Variants in ADAM12 observed in about 807,000 individuals in gnomAD.
ADAM12 encodes disintegrin and metalloproteinase domain-containing protein 12.
ADAM12 carries 70 observed loss-of-function variants against 106.4 expected under a neutral mutation model. That is an observed-to-expected ratio of 0.66 (90% confidence interval 0.54 to 0.80). The LOEUF is 0.80. Among genes scored for constraint, ADAM12 ranks in the 30% least tolerant of loss-of-function variants. The pLI, the probability that ADAM12 is intolerant of heterozygous loss-of-function variation, is 0.00. For missense variants in ADAM12, 1,010 were observed against 1,171.9 expected, an observed-to-expected ratio of 0.86 and a Z score of 2.02; for synonymous variants, 420 against 433.5, an observed-to-expected ratio of 0.97 and a Z score of 0.39.
At chr10:126,068,959 G>A (rs1160981467) in intron 12 of ADAM12, among the ~76,000 whole-genome samples, 2 of 152,190 alleles carry the variant, frequency 1.3e-5, no homozygotes, top group Non-Finnish European at 2.9e-5. Flanking sequence ...GAGCAAGGGA[G>A]AAGCTGGTTT....
chr10:126,287,195 C>A (rs1218556859), intron 2 of ADAM12, among the ~76,000 whole-genome samples: 1 of 152,338 alleles, frequency 6.6e-6, no homozygotes, highest in East Asian at 1.9e-4. Context: ...TACTTCTGGT[C>A]TGCTTCTGTG....
chr10:126,045,806 A>C (rs917487574), intron 17 of ADAM12, among the ~76,000 whole-genome samples: 4 of 152,246 alleles, frequency 2.6e-5, no homozygotes, highest in Non-Finnish European at 5.9e-5. Context: ...TACTTTGAAC[A>C]ACAAAAGTCT....
Position 126,066,837 on chromosome 10 carries a change from G to A in ADAM12, c.1324-31C>T, listed in dbSNP as rs768442398. On this transcript the variant is annotated intron_variant, in intron 12 of 22. Coordinates refer to ENST00000448723, the MANE Select transcript of ADAM12 (RefSeq NM_001288973.2). The surrounding 1 kb of genome is among the most constrained non-coding windows in gnomAD (Gnocchi z 5.1). ...AAGGGGAATGGCATTTGTTTGACAG[G>A]GTCTTATGGAGTATGCACTCACTGA... The A allele has an allele frequency of 2.5e-6, 4 of 1,595,648 alleles. No individual in the cohort carries two copies. Among genetic ancestry groups the A allele is most frequent in the Admixed American group, 1.7e-5 (1 of 59,892 alleles).
At chr10:126,086,651 CAAAAAAAAA>C (rs1171936921) in intron 11 of ADAM12, among the ~76,000 whole-genome samples, 29 of 16,914 alleles carry the variant, frequency 1.7e-3, no homozygotes, top group African/African-American at 5.3e-3. Context: ...GACTCTGCCT[CAAAAAAAAA>C]AAAAAAAAAA....
rs187200532 is a variant in ADAM12, at chr10:126,152,871, G to A, written c.339+2356C>T. On this transcript the variant is annotated intron_variant, in intron 4 of 22. Coordinates refer to ENST00000448723, the MANE Select transcript of ADAM12 (RefSeq NM_001288973.2). ...TTATCAAAATCTAAAGTTAATCAGCGTGTCTATTATTCTCCAGTACAATAC... is the reference window on the plus strand; with the variant it reads ...TTATCAAAATCTAAAGTTAATCAGCATGTCTATTATTCTCCAGTACAATAC... Among the ~76,000 whole-genome samples, 1,114 of 152,146 alleles carry A rather than the reference G, an allele frequency of 7.3e-3. 13 individuals are homozygous for A. Among genetic ancestry groups the A allele is most frequent in the African/African-American group, 0.025 (1,044 of 41,520 alleles).
chr10:126,057,577 G>A (rs1565020622), intron 14 of ADAM12, among the ~76,000 whole-genome samples: 1 of 152,112 alleles, frequency 6.6e-6, no homozygotes, highest in Non-Finnish European at 1.5e-5. Flanking sequence ...TTTGCAACAC[G>A]CCCCTGCTGC....
At position 126,166,491 on chromosome 10, in the gene ADAM12, C is replaced by CT. The variant is rs1341763485; in HGVS notation, c.261-11187dup. On this transcript the variant is annotated intron_variant, in intron 3 of 22. Coordinates refer to ENST00000448723, the MANE Select transcript of ADAM12 (RefSeq NM_001288973.2). ...CTTACATACCATTTCAGGCAGGTTT[C>CT]TTTTTTTTTGTTTTTTGTTTTTTTT... 5.2e-3 allele frequency among the ~76,000 whole-genome samples: 651 copies of CT among 125,480 alleles called. 4 individuals are homozygous for CT. Among genetic ancestry groups the CT allele is most frequent in the African/African-American group, 0.015 (544 of 36,344 alleles). 82.3% of individuals were successfully genotyped at this position (125,480 alleles called of 152,430 possible). A position where few individuals can be genotyped will look rare whatever the true frequency, so the allele number is the denominator to read the frequency against.
chr10:126,102,382 T>C (rs1955684715), intron 8 of ADAM12, among the ~76,000 whole-genome samples: 1 of 152,188 alleles, frequency 6.6e-6, no homozygotes, highest in Non-Finnish European at 1.5e-5. Context: ...AAGCACCAGA[T>C]GAAAGCAGGT....
intron 3 of ADAM12, among the ~76,000 whole-genome samples, chr10:126,237,071 C>A (rs556661244): frequency 2.0e-5 from 3 of 152,232 alleles, no homozygotes; most frequent in Non-Finnish European, 1.5e-5. Context: ...ACCCCTCCCC[C>A]CATTTCCCCA....
intron 5 of ADAM12, among the ~76,000 whole-genome samples, chr10:126,123,826 A>G (rs1257366663): frequency 6.6e-6 from 1 of 152,196 alleles, no homozygotes; most frequent in Non-Finnish European, 1.5e-5. Flanking sequence ...AAGGACTAGA[A>G]TTAGAATTAG....
At chr10:126,108,772 A>G in intron 7 of ADAM12, 108 bp from the exon 8 acceptor site, 1 of 980,064 alleles carries the variant, frequency 1.0e-6, no homozygotes, top group Non-Finnish European at 1.6e-6. Context: ...ACCACTGGGG[A>G]CCCTCCACAG....
intron 11 of ADAM12, among the ~76,000 whole-genome samples, chr10:126,074,532 A>T (rs60297718): frequency 0.012 from 1,795 of 152,276 alleles, 35 homozygotes; most frequent in African/African-American, 0.04. Flanking sequence ...CATCATTGGC[A>T]AAGATCATCA....
At chr10:126,376,413 TGA>T (rs1177707359) in intron 1 of ADAM12, among the ~76,000 whole-genome samples, 5 of 152,194 alleles carry the variant, frequency 3.3e-5, no homozygotes, top group African/African-American at 7.2e-5. Flanking sequence ...TTGTTGAAAC[TGA>T]GTGATAGAAA....
At chr10:126,173,328 G>C (rs1203654307) in intron 3 of ADAM12, among the ~76,000 whole-genome samples, 1 of 152,158 alleles carries the variant, frequency 6.6e-6, no homozygotes, top group African/African-American at 2.4e-5. Flanking sequence ...CCTCAGAAAG[G>C]GGAGAACCAC....
chr10:126,018,832 CCTG>C (rs1448760628), intron 22 of ADAM12, among the ~76,000 whole-genome samples: 3 of 152,186 alleles, frequency 2.0e-5, no homozygotes, highest in Non-Finnish European at 4.4e-5. Flanking sequence ...TTCCCAGTGT[CCTG>C]CTGCCAGGCA....
At chr10:126,322,563 G>T (rs1012920678) in intron 2 of ADAM12, among the ~76,000 whole-genome samples, 1 of 152,182 alleles carries the variant, frequency 6.6e-6, no homozygotes, top group African/African-American at 2.4e-5. Context: ...CACAGCAAAG[G>T]CTTATCCAGC....
intron 3 of ADAM12, among the ~76,000 whole-genome samples, chr10:126,199,986 A>T (rs1322838519): frequency 6.6e-6 from 1 of 152,220 alleles, no homozygotes; most frequent in East Asian, 1.9e-4. Flanking sequence ...ACGCACCATG[A>T]CCTATGTATA....
At position 126,098,463 on chromosome 10, in the gene ADAM12, G is replaced by C. The variant is rs1276932689; in HGVS notation, c.949C>G (p.Pro317Ala). The change falls in exon 10 of 23, where the codon CCA becomes GCA. Residue 317 changes from proline (P) to alanine (A), a missense_variant. By Grantham distance (27) the Pro-to-Ala change is conservative. Around this residue, in one of 3 missense-constraint regions of ADAM12, gnomAD observed 391 missense variants for 442.9 expected, o/e 0.88. Transcript: ENST00000448723. Reference sequence around the variant, plus strand: ...TCTGCCGTGCACATGCTCATGATTGGGGCCATGCCGATGGTGGTCCCTTGG... The same window carrying C: ...TCTGCCGTGCACATGCTCATGATTGCGGCCATGCCGATGGTGGTCCCTTGG... The part of the protein sequence containing the change: ...YFQGTTIGMA[P>A]IMSMCTADQS... 5.0e-6 allele frequency: 8 copies of C among 1,613,922 alleles called. No homozygotes were observed. The Admixed American group carries it at 1.2e-4, about 24-fold the overall frequency.
intron 3 of ADAM12, among the ~76,000 whole-genome samples, chr10:126,252,203 T>A (rs200212466): frequency 0.22 from 4,779 of 21,894 alleles, 148 homozygotes; most frequent in African/African-American, 0.33. Context: ...ATGGATGAGA[T>A]GGATGGATTA....
Sources: gnomAD v4.1 joint callset for allele counts (sites outside exome capture counted in the v4.1 genomes callset) on GRCh38, gnomAD v4.1.1 for gene constraint, gnomAD v4.1.1 regional missense constraint, Gnocchi (gnomAD v3.1) non-coding constraint, MANE v1.5 for transcripts, NCBI Gene and HGNC (gene_info 2026-07-23, HGNC 2026-07-21) for gene names.